Variants in SPIRE1 observed in about 807,000 individuals in gnomAD.
SPIRE1 encodes spire type actin nucleation factor 1.
A neutral mutation model predicts 94.1 loss-of-function variants in SPIRE1; 40 were observed. That is an observed-to-expected ratio of 0.43 (90% CI 0.33 to 0.55). The LOEUF (loss-of-function observed/expected upper bound fraction) is 0.55. Among genes scored for constraint, SPIRE1 ranks in the 20% least tolerant of loss-of-function variants. SPIRE1 has a pLI of 0.06. For missense variants in SPIRE1, 838 were observed against 975.2 expected (o/e 0.86, Z 1.87); for synonymous variants, 376 against 371.7 (o/e 1.01, Z -0.13).
intron 4 of SPIRE1, among the ~76,000 whole-genome samples, chr18:12,525,296 A>ATAAT (rs1332506311): frequency 1.2e-4 from 14 of 120,168 alleles, no homozygotes; most frequent in African/African-American, 4.3e-4. Context: ...AAAAAAAAAA[A>ATAAT]AATAATAATA....
upstream of SPIRE1, among the ~76,000 whole-genome samples, chr18:12,659,289 A>G (rs1468879546): frequency 2.6e-5 from 4 of 152,184 alleles, no homozygotes; most frequent in Non-Finnish European, 5.9e-5. Flanking sequence ...AAATAACAAC[A>G]GTCTATTAAA....
rs964687204 is a variant in SPIRE1, at chr18:12,472,367, CTTTTTTT to C, written c.1404+7325_1404+7331del. Among the ~76,000 whole-genome samples, 377 of 135,010 alleles carry C rather than the reference CTTTTTTT, an allele frequency of 2.8e-3. 5 individuals carry two copies. The highest frequency in any genetic ancestry group is 9.9e-3 in the African/African-American group (364 of 36,794). 88.6% of individuals were successfully genotyped at this position (135,010 alleles called of 152,430 possible). A position where few individuals can be genotyped will look rare whatever the true frequency, so the allele number is the denominator to read the frequency against. Reference sequence around the variant, plus strand: ...CATTATAGCGACACCATGCCCTGTGCTTTTTTTTTTTTTTTTTTGAGACAGGGTCTCA... The same window carrying C: ...CATTATAGCGACACCATGCCCTGTGCTTTTTTTTTTTGAGACAGGGTCTCA... On this transcript the variant is annotated intron_variant, in intron 10 of 16. Coordinates refer to ENST00000409402, the MANE Select transcript of SPIRE1 (RefSeq NM_001128626.2).
intron 2 of SPIRE1, among the ~76,000 whole-genome samples, chr18:12,558,519 C>T (rs561159835): frequency 2.0e-5 from 3 of 152,316 alleles, no homozygotes; most frequent in Non-Finnish European, 2.9e-5. Flanking sequence ...CTTTTATTCT[C>T]TTATCTGGCC....
intron 2 of SPIRE1, among the ~76,000 whole-genome samples, chr18:12,576,892 A>C (rs952367399): frequency 6.8e-6 from 1 of 147,464 alleles, no homozygotes; most frequent in African/African-American, 2.5e-5. Flanking sequence ...CTGTTTCACA[A>C]AAAAAAAAAA....
At chr18:12,515,902 A>G (rs963497598) in intron 4 of SPIRE1, among the ~76,000 whole-genome samples, 1 of 152,104 alleles carries the variant, frequency 6.6e-6, no homozygotes, top group African/African-American at 2.4e-5. Flanking sequence ...CCCTCTGCTC[A>G]ATCCTGCTTT....
Position 12,589,377 on chromosome 18 carries a change from G to A in SPIRE1, c.373-42473C>T, listed in dbSNP as rs542589835. 1.4e-3 allele frequency among the ~76,000 whole-genome samples: 214 copies of A among 152,172 alleles called. 1 individual carries two copies. Among genetic ancestry groups the A allele is most frequent in the Non-Finnish European group, 2.5e-3 (168 of 68,010 alleles). On this transcript the variant is annotated intron_variant, in intron 2 of 16. Coordinates refer to ENST00000409402, the MANE Select transcript of SPIRE1 (RefSeq NM_001128626.2). The stretch of plus-strand genomic sequence containing the variant: ...AAGTGAAGGAGGAGACCTGGACCCT[G>A]GACCACCACCCAGGTACTAAGGAAG...
chr18:12,629,628 G>A (rs372676091), intron 2 of SPIRE1, among the ~76,000 whole-genome samples: 148 of 152,214 alleles, frequency 9.7e-4, no homozygotes, highest in Non-Finnish European at 1.6e-3. Context: ...GGGAGGAGGG[G>A]CAGGGCTAAC....
chr18:12,634,988 A>T (rs2037883773), intron 2 of SPIRE1, 74 bp downstream of exon 2: 2 of 768,378 alleles, frequency 2.6e-6, no homozygotes, highest in Admixed American at 2.6e-5. Flanking sequence ...ATAGTGAGAT[A>T]GTTCAGTACT....
At position 12,447,116 on chromosome 18, in the gene SPIRE1, T is replaced by C. The variant is rs372286706; in HGVS notation, c.*2522A>G. 6.6e-6 allele frequency: 1 copy of C among 152,204 alleles called. No individual in the cohort carries two copies. Among genetic ancestry groups the C allele is most frequent in the African/African-American group, 2.4e-5 (1 of 41,446 alleles). The allele number at this position is 152,204 out of a possible 1,614,324, so 9.4% of individuals were successfully genotyped here. ...GGAGAGGGAAGCACAGGTTTCCCAA[T>C]AGTGTGACTTCATGACGTATGGGAC... On this transcript the variant is annotated 3_prime_UTR_variant, in exon 17 of 17. Coordinates refer to ENST00000409402, the MANE Select transcript of SPIRE1 (RefSeq NM_001128626.2).
At chr18:12,564,818 A>G (rs1470503698) in intron 2 of SPIRE1, among the ~76,000 whole-genome samples, 1 of 152,218 alleles carries the variant, frequency 6.6e-6, no homozygotes, top group East Asian at 1.9e-4. Flanking sequence ...ACACTTGTGT[A>G]TGTTTTACCG....
At position 12,618,718 on chromosome 18, in the gene SPIRE1, C is replaced by A. The variant is rs1005037725; in HGVS notation, c.372+16344G>T. Among the ~76,000 whole-genome samples the A allele has an allele frequency of 3.9e-4, 60 of 152,046 alleles. 1 individual carries two copies. The highest frequency in any genetic ancestry group is 3.3e-4 in the Admixed American group (5 of 15,268). On this transcript the variant is annotated intron_variant, in intron 2 of 16. Coordinates refer to ENST00000409402, the MANE Select transcript of SPIRE1 (RefSeq NM_001128626.2). ...CAAAAAAACTGTTTTTAAACACACACAAAAAAATATTTCCACTTGAAATAT... is the reference window on the plus strand; with the variant it reads ...CAAAAAAACTGTTTTTAAACACACAAAAAAAAATATTTCCACTTGAAATAT...
At chr18:12,640,955 C>T (rs1024723648) in intron 1 of SPIRE1, among the ~76,000 whole-genome samples, 3 of 152,078 alleles carry the variant, frequency 2.0e-5, no homozygotes, top group East Asian at 1.9e-4. Flanking sequence ...ATGTGAAGAA[C>T]GTAGTGGAGA....
chr18:12,632,613 T>C (rs2037813165), intron 2 of SPIRE1, among the ~76,000 whole-genome samples: 1 of 152,218 alleles, frequency 6.6e-6, no homozygotes, highest in African/African-American at 2.4e-5. Flanking sequence ...TAACCACTGT[T>C]AGCCCTAGAA....
intron 6 of SPIRE1, among the ~76,000 whole-genome samples, chr18:12,505,048 G>A (rs1415847650): frequency 1.3e-5 from 2 of 152,154 alleles, no homozygotes; most frequent in East Asian, 1.9e-4. Flanking sequence ...TGCCGGCCAC[G>A]GTAAGGACAT....
At chr18:12,641,832 C>CTT (rs576748359) in intron 1 of SPIRE1, among the ~76,000 whole-genome samples, 41 of 125,124 alleles carry the variant, frequency 3.3e-4, no homozygotes, top group African/African-American at 8.4e-4. Flanking sequence ...GAATGTTATG[C>CTT]TTTTTTTTTT....
At chr18:12,565,734 G>C (rs2035800382) in intron 2 of SPIRE1, among the ~76,000 whole-genome samples, 1 of 142,912 alleles carries the variant, frequency 7.0e-6, no homozygotes, top group South Asian at 2.5e-4. Flanking sequence ...GCCTTGCAAG[G>C]AATGTTAACA....
intron 2 of SPIRE1, among the ~76,000 whole-genome samples, chr18:12,600,215 G>A (rs1175809557): frequency 2.0e-5 from 3 of 151,936 alleles, no homozygotes; most frequent in Non-Finnish European, 4.4e-5. Flanking sequence ...TCCAGATGAT[G>A]AGCCCCAGCT....
intron 2 of SPIRE1, among the ~76,000 whole-genome samples, chr18:12,595,789 A>C (rs1433443059): frequency 6.6e-6 from 1 of 152,258 alleles, no homozygotes; most frequent in Non-Finnish European, 1.5e-5. Flanking sequence ...GTTAACAGAG[A>C]TATCACAAAA....
At chr18:12,468,428 G>A (rs2032210447) in intron 10 of SPIRE1, among the ~76,000 whole-genome samples, 1 of 152,170 alleles carries the variant, frequency 6.6e-6, no homozygotes, top group Non-Finnish European at 1.5e-5. Flanking sequence ...AACATGGAGA[G>A]CAGTGGAGGG....
Sources: gnomAD v4.1 joint callset for allele counts (sites outside exome capture counted in the v4.1 genomes callset) on GRCh38, gnomAD v4.1.1 for gene constraint, MANE v1.5 for transcripts, NCBI Gene and HGNC (gene_info 2026-07-23, HGNC 2026-07-21) for gene names.